Variants in ZBTB47 observed in about 807,000 individuals in gnomAD.
ZBTB47 encodes the protein zinc finger and BTB domain containing 47.
Under a neutral mutation model 56.6 loss-of-function variants are expected in ZBTB47, and 24 were observed. The observed-to-expected ratio is 0.42, with a 90% CI of 0.31 to 0.60. The LOEUF is 0.60. Among genes scored for constraint, ZBTB47 ranks in the 20% least tolerant of loss-of-function variants. The pLI is 0.14. For synonymous variants in ZBTB47, 414 were observed against 418.9 expected (o/e 0.99, Z 0.14); for missense variants, 829 against 1,032.6 (o/e 0.80, Z 2.70).
Position 42,664,580 on chromosome 3 carries a change from G to A in ZBTB47, c.2226G>A (p.Arg742=), listed in dbSNP as rs1710762128. Reference sequence around the variant, plus strand: ...CCACCACTGCCAGCCCCGGCGGGAGGATGAACGCCAACAACTAGCTGCCGA... The same window carrying A: ...CCACCACTGCCAGCCCCGGCGGGAGAATGAACGCCAACAACTAGCTGCCGA... ...LFPTTASPGG[R]MNANN The change falls in exon 6 of 6, where the codon AGG becomes AGA. Residue 742 remains arginine, a synonymous_variant. Transcript: ENST00000232974. The A allele has an allele frequency of 2.8e-6, 4 of 1,415,922 alleles. No individual in the cohort carries two copies. In the East Asian group the frequency reaches 8.5e-5, roughly 30 times the overall value. 87.7% of individuals were successfully genotyped at this position (1,415,922 alleles called of 1,614,324 possible). A position where few individuals can be genotyped will look rare whatever the true frequency, so the allele number is the denominator to read the frequency against.
intron 3 of ZBTB47, 95 bp from the exon 4 acceptor site, chr3:42,662,917 G>A: frequency 1.2e-6 from 1 of 828,896 alleles, no homozygotes; most frequent in Non-Finnish European, 2.0e-6. Context: ...GAAGGGTGGT[G>A]GCACAGGGCT....
chr3:42,658,319 G>C lies in ZBTB47; in HGVS notation c.-37G>C. 6.7e-7 allele frequency: 1 copy of C among 1,500,014 alleles called. No individual in the cohort carries two copies. Among genetic ancestry groups the C allele is most frequent in the Non-Finnish European group, 8.9e-7 (1 of 1,127,736 alleles). The allele number at this position is 1,500,014 out of a possible 1,614,324, so 92.9% of individuals were successfully genotyped here. On this transcript the variant is annotated 5_prime_UTR_variant, in exon 2 of 6. Transcript: ENST00000232974. ...CTGACTCCCCGGCGGCTGAGTTCTC[G>C]CTGGTGGAGGACGTGGCGCTGCACT...
intron 2 of ZBTB47, among the ~76,000 whole-genome samples, chr3:42,660,215 C>CG (rs1177232669): frequency 6.6e-6 from 1 of 152,158 alleles, no homozygotes; most frequent in Non-Finnish European, 1.5e-5. Context: ...TTAACAAACA[C>CG]GGGGGCTGTA....
Position 42,663,938 on chromosome 3 carries a change from A to T in ZBTB47, c.1879A>T (p.Thr627Ser). The T allele has an allele frequency of 6.2e-7, 1 of 1,610,152 alleles. No individual in the cohort carries two copies. The highest frequency in any genetic ancestry group is 8.5e-7 in the Non-Finnish European group (1 of 1,177,620). The change falls in exon 5 of 6, where the codon ACA (threonine) becomes TCA (serine). Residue 627 changes from threonine (T) to serine (S), a missense_variant. This residue lies in a region of ZBTB47 where 44 missense variants were observed against 76.7 expected (regional missense o/e 0.57). Coordinates refer to ENST00000232974, the MANE Select transcript of ZBTB47 (RefSeq NM_145166.4). The surrounding 1 kb of genome is among the most constrained non-coding windows in gnomAD (Gnocchi z 5.1). ...CTTCGATGAGCACATGAAGACCCAC[A>T]CAGGTGCGGCTGCCCCTGGGGACGG... ...QYFDEHMKTH[T>S]GEKPYICEIC...
In ZBTB47 at chr3:42,665,777, G is replaced by C. The variant is rs890405813; in HGVS notation, c.*1179G>C. ...TTCAGGCCCCTCGGGGGATTGGGGG[G>C]ACTGGGGAGGCGCAGCCTAGACCCA... On this transcript the variant is annotated 3_prime_UTR_variant, in exon 6 of 6. Coordinates refer to ENST00000232974, the MANE Select transcript of ZBTB47 (RefSeq NM_145166.4). 1 of 152,734 alleles carries C rather than the reference G, an allele frequency of 6.5e-6. No individual in the cohort carries two copies. 9.5% of individuals were successfully genotyped at this position (152,734 alleles called of 1,614,324 possible). A position where few individuals can be genotyped will look rare whatever the true frequency, so the allele number is the denominator to read the frequency against.
At position 42,656,894 on chromosome 3, in the gene ZBTB47, G is replaced by T. The variant is rs536159140; in HGVS notation, c.-81-1381G>T. Among the ~76,000 whole-genome samples, 1 of 152,116 alleles carries T rather than the reference G, an allele frequency of 6.6e-6. No individual in the cohort carries two copies. Among genetic ancestry groups the T allele is most frequent in the South Asian group, 2.1e-4 (1 of 4,832 alleles). On this transcript the variant is annotated intron_variant, in intron 1 of 5. Transcript: ENST00000232974. This position sits in a 1 kb window ranked among gnomAD's most constrained non-coding sequence, Gnocchi z 5.8. Reference sequence around the variant, plus strand: ...GGATGGGGCCAGGATTCATCCCAGGGTCCCCAGGGAGGCACTGACAGCTAT... The same window carrying T: ...GGATGGGGCCAGGATTCATCCCAGGTTCCCCAGGGAGGCACTGACAGCTAT...
Position 42,663,707 on chromosome 3 carries a change from T to G in ZBTB47, c.1738-90T>G, listed in dbSNP as rs573588179. 1.6e-4 allele frequency: 250 copies of G among 1,517,826 alleles called. 1 individual carries two copies. In the East Asian group the frequency reaches 5.2e-3, roughly 31 times the overall value. The allele number at this position is 1,517,826 out of a possible 1,614,324, so 94.0% of individuals were successfully genotyped here. ...CAGGAGCCCCTGAGTGTGTCCCTCC[T>G]TGGCCCTGTGGCCACAGGGGAGCTG... On this transcript the variant is annotated intron_variant, in intron 4 of 5. Transcript: ENST00000232974. The surrounding 1 kb of genome is among the most constrained non-coding windows in gnomAD (Gnocchi z 5.1).
At position 42,658,841 on chromosome 3, in the gene ZBTB47, T is replaced by A; in HGVS notation, c.486T>A (p.Pro162=). 6.5e-7 allele frequency: 1 copy of A among 1,532,904 alleles called. No homozygotes were observed. The highest frequency in any genetic ancestry group is 8.7e-7 in the Non-Finnish European group (1 of 1,145,180). 95.0% of individuals were successfully genotyped at this position (1,532,904 alleles called of 1,614,324 possible). A position where few individuals can be genotyped will look rare whatever the true frequency, so the allele number is the denominator to read the frequency against. The change falls in exon 2 of 6, where the codon CCT becomes CCA. Residue 162 remains proline (P), a synonymous_variant. Transcript: ENST00000232974. ...TCTATGCCCGCGAGGGCCCTGACCC[T>A]TACTCGGTGCGTGTTGAGGACGGGG... ...PKIYAREGPD[P]YSVRVEDGAG...
rs755212858 is a variant in ZBTB47, at chr3:42,659,833, G to C, written c.1473+5G>C. 6.3e-7 allele frequency: 1 copy of C among 1,592,422 alleles called. No homozygotes were observed. Among genetic ancestry groups the C allele is most frequent in the African/African-American group, 1.3e-5 (1 of 74,792 alleles). On this transcript the variant is annotated splice_donor_5th_base_variant and intron_variant, in intron 2 of 5. Coordinates refer to ENST00000232974, the MANE Select transcript of ZBTB47 (RefSeq NM_145166.4). ...GACTGCGAGCGCAACATCCAGGTGG[G>C]CCTCACGTGGCTGGGGGCAGGGCAG...
Position 42,659,637 on chromosome 3 carries a change from G to A in ZBTB47, c.1282G>A (p.Val428Met), listed in dbSNP as rs767495610. The A allele has an allele frequency of 2.5e-6, 4 of 1,611,584 alleles. No homozygotes were observed. In the African/African-American group the frequency reaches 5.3e-5, roughly 22 times the overall value. The change falls in exon 2 of 6, where the codon GTG becomes ATG. Residue 428 changes from valine (V) to methionine (M), a missense_variant. Coordinates refer to ENST00000232974, the MANE Select transcript of ZBTB47 (RefSeq NM_145166.4). ...AGCCACTGATGGGCTGGGGGCCAAG[G>A]TGAAGCTGGAGGAGAAGCAGCACCA... ...PPATDGLGAK[V>M]KLEEKQHHPC...
chr3:42,662,178 C>T (rs1455967921), intron 3 of ZBTB47, among the ~76,000 whole-genome samples: 1 of 152,184 alleles, frequency 6.6e-6, no homozygotes, highest in East Asian at 1.9e-4. Context: ...TGCCCACCTG[C>T]TGTATGTGGG....
Position 42,660,960 on chromosome 3 carries a change from C to T in ZBTB47, c.1474-525C>T, listed in dbSNP as rs9812538. Among the ~76,000 whole-genome samples, 912 of 152,308 alleles carry T rather than the reference C, an allele frequency of 6.0e-3. 8 individuals are homozygous for T. Among genetic ancestry groups the T allele is most frequent in the African/African-American group, 0.021 (869 of 41,572 alleles). On this transcript the variant is annotated intron_variant, in intron 2 of 5. Coordinates refer to ENST00000232974, the MANE Select transcript of ZBTB47 (RefSeq NM_145166.4). ...ATATGGTCCCCAAGATCCCCCACCA[C>T]TCTCTGTGCCTGATGGGACCTTGAG...
chr3:42,653,340 C>A (rs1710590847), upstream of ZBTB47, among the ~76,000 whole-genome samples: 1 of 152,226 alleles, frequency 6.6e-6, no homozygotes, highest in Non-Finnish European at 1.5e-5. Context: ...CCAGGAGATA[C>A]TGCTGCAGCT....
chr3:42,652,968 T>A (rs1485492032), upstream of ZBTB47, among the ~76,000 whole-genome samples: 1 of 152,184 alleles, frequency 6.6e-6, no homozygotes, highest in Non-Finnish European at 1.5e-5. Context: ...GTCAGAAGCA[T>A]GTAAGCTGCT....
In ZBTB47 at chr3:42,665,131, CTG is replaced by C. The variant is rs1403682767; in HGVS notation, c.*534_*535del. 2 of 152,456 alleles carry C rather than the reference CTG, an allele frequency of 1.3e-5. No individual in the cohort carries two copies. Among genetic ancestry groups the C allele is most frequent in the Admixed American group, 1.3e-4 (2 of 15,282 alleles). 9.4% of individuals were successfully genotyped at this position (152,456 alleles called of 1,614,324 possible). ...ACCCCTGAGGAGGTGTAGACCCAGT[CTG>C]AGAGCCGCAAGCACTGAGGCAGGGC... On this transcript the variant is annotated 3_prime_UTR_variant, in exon 6 of 6. Transcript: ENST00000232974.
rs539437010 is a variant in ZBTB47 at position 42,654,599 on chromosome 3, C to T, written c.-82+716C>T. 3 of 861,510 alleles carry T rather than the reference C, an allele frequency of 3.5e-6. No homozygotes were observed. Among genetic ancestry groups the T allele is most frequent in the Admixed American group, 6.3e-5 (1 of 15,906 alleles). The allele number at this position is 861,510 out of a possible 1,614,324, so 53.4% of individuals were successfully genotyped here. On this transcript the variant is annotated intron_variant, in intron 1 of 5. Transcript: ENST00000232974. The surrounding 1 kb of genome is among the most constrained non-coding windows in gnomAD (Gnocchi z 5.0). ...GTCGCGGGGCCCTGCGCGGGGGCGGCCCCCAGCGCGGCGCTTCATGGAGCG... is the reference window on the plus strand; with the variant it reads ...GTCGCGGGGCCCTGCGCGGGGGCGGTCCCCAGCGCGGCGCTTCATGGAGCG...
chr3:42,658,173 G>A (rs1710660214), intron 1 of ZBTB47, 102 bp from the exon 2 acceptor site: 4 of 1,278,570 alleles, frequency 3.1e-6, no homozygotes, highest in Non-Finnish European at 2.1e-6. Context: ...ACGAGTGATG[G>A]GCTGCCTCCT....
At position 42,664,458 on chromosome 3, in the gene ZBTB47, C is replaced by T; in HGVS notation, c.2104C>T (p.Pro702Ser). ...DGVPAAPGLP[P>S]TQPQAHALPL... ...CGTCCCCGCTGCCCCAGGCCTGCCC[C>T]CAACCCAGCCCCAGGCGCACGCACT... Residue 702 changes from proline to serine, a missense_variant, in exon 6 of 6, where the codon CCA becomes TCA. By Grantham distance (74) the Pro-to-Ser change is moderately conservative. Transcript: ENST00000232974. 6.6e-7 allele frequency: 1 copy of T among 1,521,398 alleles called. No individual in the cohort carries two copies. 94.2% of individuals were successfully genotyped at this position (1,521,398 alleles called of 1,614,324 possible). A position where few individuals can be genotyped will look rare whatever the true frequency, so the allele number is the denominator to read the frequency against.
In ZBTB47 at chr3:42,664,418, C is replaced by A; in HGVS notation, c.2064C>A (p.Thr688=). The A allele has an allele frequency of 6.4e-7, 1 of 1,561,156 alleles. No individual in the cohort carries two copies. Among genetic ancestry groups the A allele is most frequent in the Non-Finnish European group, 8.7e-7 (1 of 1,155,714 alleles). ...HKEKCFRVSH[T]LAGDGVPAAP... The stretch of plus-strand genomic sequence containing the variant: ...AGAAGTGCTTCCGCGTCAGCCACAC[C>A]CTGGCCGGCGACGGCGTCCCCGCTG... The change falls in exon 6 of 6, where the codon ACC becomes ACA. Residue 688 remains threonine, a synonymous_variant. Coordinates refer to ENST00000232974, the MANE Select transcript of ZBTB47 (RefSeq NM_145166.4).
Sources: allele counts gnomAD v4.1 joint callset (sites outside exome capture counted in the v4.1 genomes callset), GRCh38; gene constraint gnomAD v4.1.1; regional missense constraint gnomAD v4.1.1; non-coding constraint Gnocchi (gnomAD v3.1); transcripts MANE v1.5; gene names NCBI Gene and HGNC (gene_info 2026-07-23, HGNC 2026-07-21).